The following PBLD variants were observed in gnomAD, a reference collection of about 807,000 sequenced individuals.
PBLD encodes phenazine biosynthesis like protein domain containing.
In PBLD, 26 loss-of-function variants were observed where a neutral mutation model predicts 31.3. The ratio of observed to expected loss-of-function variants is 0.83; its 90% CI spans 0.61 to 1.15. The LOEUF (loss-of-function observed/expected upper bound fraction) is 1.15. Ranked by LOEUF, PBLD falls within the 50% of genes most tolerant of loss-of-function variation. The pLI is 0.00. For missense variants in PBLD, 307 were observed against 351.7 expected, an observed-to-expected ratio of 0.87 and a Z score of 1.02; for synonymous variants, 114 against 129.0, an observed-to-expected ratio of 0.88 and a Z score of 0.79.
At position 68,284,070 on chromosome 10, in the gene PBLD, GA is replaced by G. The variant is rs1469573092; in HGVS notation, c.*106del. On this transcript the variant is annotated 3_prime_UTR_variant, in exon 10 of 10. Coordinates refer to ENST00000358769, the MANE Select transcript of PBLD (RefSeq NM_022129.4). ...CCCATTTTTCGATTTTTAACATGAG[GA>G]TTAAGTAGACTACTACGCACATTTG... The G allele has an allele frequency of 1.9e-5, 21 of 1,084,716 alleles. No homozygotes were observed. The highest frequency in any genetic ancestry group is 6.7e-5 in the Admixed American group (3 of 44,582). 67.2% of individuals were successfully genotyped at this position (1,084,716 alleles called of 1,614,324 possible).
chr10:68,288,183 T>G (rs111519438), intron 8 of PBLD: 156 of 386,440 alleles, frequency 4.0e-4, no homozygotes, highest in African/African-American at 2.3e-3. Flanking sequence ...ATACAATTTA[T>G]AGAGGAGGGA....
chr10:68,315,925 C>T (rs115162641), intron 1 of PBLD, among the ~76,000 whole-genome samples: 2,750 of 152,182 alleles, frequency 0.018, 89 homozygotes, highest in African/African-American at 0.063. Context: ...CTTCAATGGC[C>T]ACACACCACA....
chr10:68,284,319 G>T, intron 9 of PBLD, 30 bp from the exon 10 acceptor site: 1 of 1,548,598 alleles, frequency 6.5e-7, no homozygotes, highest in Non-Finnish European at 8.9e-7. Context: ...CAAATTAAGA[G>T]TATTTTCACC....
chr10:68,312,560 C>A (rs73273111), intron 1 of PBLD, among the ~76,000 whole-genome samples: 5,596 of 139,580 alleles, frequency 0.04, 370 homozygotes, highest in African/African-American at 0.14. Flanking sequence ...TATTTGGGGG[C>A]TTTTTGTTAT....
rs929730572 is a variant in PBLD at position 68,288,931 on chromosome 10, C to G, written c.512G>C (p.Arg171Thr). Residue 171 changes from arginine (R) to threonine (T), a missense_variant and splice_region_variant, in exon 7 of 10, where the codon AGG becomes ACG. Arg to Thr is a moderately conservative substitution (Grantham distance 71, BLOSUM62 -1). Transcript: ENST00000358769. ...GTGCTGATGCAGCCAAAAATCTTACCTGTTGTAAACGTCACTGAGGCGGAC... is the reference window on the plus strand; with the variant it reads ...GTGCTGATGCAGCCAAAAATCTTACGTGTTGTAAACGTCACTGAGGCGGAC... ...LLVRLSDVYN[R>T]SFLENLKVNT... 4.3e-6 allele frequency: 7 copies of G among 1,613,800 alleles called. No homozygotes were observed. The Admixed American group carries it at 6.7e-5, about 15-fold the overall frequency.
chr10:68,330,756 G>A (rs2045042413), intron 1 of PBLD, among the ~76,000 whole-genome samples: 2 of 135,040 alleles, frequency 1.5e-5, no homozygotes. Flanking sequence ...GTGTGTGTGT[G>A]TATTTTTAGT....
intron 4 of PBLD, among the ~76,000 whole-genome samples, chr10:68,295,161 T>C (rs2044408088): frequency 6.6e-6 from 1 of 152,138 alleles, no homozygotes. Flanking sequence ...GGTGAATGTA[T>C]ACAGTGGGGG....
Position 68,282,756 on chromosome 10 carries a change from T to C in PBLD, c.*1421A>G, listed in dbSNP as rs2044246103. ...ATGCTTTAGCAAAAATCAGTAAAAA[T>C]AGAAAACATGGTAACAATTAAAGTG... On this transcript the variant is annotated 3_prime_UTR_variant, in exon 10 of 10. Transcript: ENST00000358769. 6.6e-6 allele frequency: 1 copy of C among 152,128 alleles called. No homozygotes were observed. Among genetic ancestry groups the C allele is most frequent in the Admixed American group, 6.5e-5 (1 of 15,272 alleles). 9.4% of individuals were successfully genotyped at this position (152,128 alleles called of 1,614,324 possible). A position where few individuals can be genotyped will look rare whatever the true frequency, so the allele number is the denominator to read the frequency against.
At chr10:68,331,923 C>T (rs1181176886) in intron 1 of PBLD, 2 of 152,326 alleles carry the variant, frequency 1.3e-5, no homozygotes, top group Non-Finnish European at 2.9e-5. Context: ...AGCTGCGCAA[C>T]CCACCACCGC....
intron 1 of PBLD, among the ~76,000 whole-genome samples, chr10:68,318,797 G>C (rs1011529347): frequency 6.6e-6 from 1 of 151,842 alleles, no homozygotes; most frequent in Non-Finnish European, 1.5e-5. Context: ...TGGGTGCAGT[G>C]GCTCACGTCT....
chr10:68,309,330 C>T (rs2044628004), intron 1 of PBLD, among the ~76,000 whole-genome samples: 1 of 134,606 alleles, frequency 7.4e-6, no homozygotes, highest in African/African-American at 2.9e-5. Context: ...TCGCTTGAAC[C>T]TGTGAGGCGG....
chr10:68,292,421 C>G (rs1010126601), intron 4 of PBLD, among the ~76,000 whole-genome samples, 183 bp from the exon 5 acceptor site: 2 of 152,040 alleles, frequency 1.3e-5, no homozygotes, highest in Non-Finnish European at 2.9e-5. Flanking sequence ...ACTTGAGAAC[C>G]AAGAACATAA....
chr10:68,295,883 GGA>G (rs1268853297), intron 4 of PBLD: 1 of 150,206 alleles, frequency 6.7e-6, no homozygotes, highest in Non-Finnish European at 1.5e-5. Context: ...CCCAGGAGGT[GGA>G]GAGAGGCGGA....
chr10:68,285,239 G>T, intron 9 of PBLD, 109 bp downstream of exon 9: 5 of 1,578,500 alleles, frequency 3.2e-6, no homozygotes, highest in Non-Finnish European at 4.3e-6. Flanking sequence ...ATTTTCACAT[G>T]GGTGATACAT....
At chr10:68,297,959 TA>T (rs59652364) in intron 2 of PBLD, among the ~76,000 whole-genome samples, 70 of 148,268 alleles carry the variant, frequency 4.7e-4, no homozygotes, top group African/African-American at 1.5e-3. Flanking sequence ...AAGATTTAAA[TA>T]AAAAAAAAAA....
chr10:68,329,341 G>A (rs1411652491), intron 1 of PBLD, among the ~76,000 whole-genome samples: 1 of 152,214 alleles, frequency 6.6e-6, no homozygotes, highest in African/African-American at 2.4e-5. Context: ...CAGTTTGGTA[G>A]TGAAAAGTCA....
chr10:68,283,341 C>T lies in PBLD; in HGVS notation c.*836G>A, dbSNP rs756122483. ...CTTCTTAGATACATTAAAATTACTT[C>T]TAAACTTGCCCCCCACACATGAACT... On this transcript the variant is annotated 3_prime_UTR_variant, in exon 10 of 10. Coordinates refer to ENST00000358769, the MANE Select transcript of PBLD (RefSeq NM_022129.4). 6.6e-6 allele frequency: 1 copy of T among 152,214 alleles called. No individual in the cohort carries two copies. The highest frequency in any genetic ancestry group is 1.5e-5 in the Non-Finnish European group (1 of 68,048). 9.4% of individuals were successfully genotyped at this position (152,214 alleles called of 1,614,324 possible). A position where few individuals can be genotyped will look rare whatever the true frequency, so the allele number is the denominator to read the frequency against.
chr10:68,297,721 AT>A (rs574582869), intron 2 of PBLD, among the ~76,000 whole-genome samples: 16 of 152,318 alleles, frequency 1.1e-4, no homozygotes, highest in Middle Eastern at 3.4e-3. Context: ...CAATGTAAAT[AT>A]TTTTATACCC....
At position 68,296,274 on chromosome 10, in the gene PBLD, TG is replaced by T; in HGVS notation, c.274del (p.His92ThrfsTer3). 1 of 1,610,876 alleles carries T rather than the reference TG, an allele frequency of 6.2e-7. No individual in the cohort carries two copies. The highest frequency in any genetic ancestry group is 1.1e-5 in the South Asian group (1 of 90,808). ...AAAGAAAATCACATTACTTATTTTGTGAAACAGCACAGCTGCAGAAGCCAGG... is the reference window on the plus strand; with the variant it reads ...AAAGAAAATCACATTACTTATTTTGTAAACAGCACAGCTGCAGAAGCCAGG... ...ATLASAAVLF[H>X]KIKNMNSTLT... On this transcript the variant is annotated frameshift_variant, in exon 4 of 10. Transcript: ENST00000358769. LOFTEE classifies it high-confidence loss of function.
Sources: gnomAD v4.1 joint callset for allele counts (sites outside exome capture counted in the v4.1 genomes callset) on GRCh38, gnomAD v4.1.1 for gene constraint, MANE v1.5 for transcripts, NCBI Gene and HGNC (gene_info 2026-07-23, HGNC 2026-07-21) for gene names.